The following OTUD7A variants were observed in gnomAD, a reference collection of about 807,000 sequenced individuals.
OTUD7A encodes OTU domain-containing protein 7A.
OTUD7A carries 12 observed loss-of-function variants against 65.7 expected under a neutral mutation model. The ratio of observed to expected loss-of-function variants is 0.18; its 90% CI spans 0.12 to 0.30. The LOEUF is 0.30. Among genes scored for constraint, OTUD7A ranks in the 10% least tolerant of loss-of-function variants. OTUD7A has a pLI of 1.00. For missense variants in OTUD7A, 1,148 were observed against 1,304.8 expected, an observed-to-expected ratio of 0.88 and a Z score of 1.85; for synonymous variants, 641 against 586.3, an observed-to-expected ratio of 1.09 and a Z score of -1.35.
chr15:31,767,081 T>C, intron 1 of OTUD7A: 1 of 1,577,266 alleles, frequency 6.3e-7, no homozygotes, highest in Non-Finnish European at 8.6e-7. Flanking sequence ...CCTGGATTGC[T>C]TATCTGTAGT....
intron 1 of OTUD7A, among the ~76,000 whole-genome samples, chr15:31,718,244 C>T (rs1893644746): frequency 6.6e-6 from 1 of 152,278 alleles, no homozygotes; most frequent in South Asian, 2.1e-4. Context: ...CAGAGATATA[C>T]TCTTTGTAAA....
intron 1 of OTUD7A, among the ~76,000 whole-genome samples, chr15:31,844,914 C>T (rs2140998103): frequency 6.6e-6 from 1 of 152,262 alleles, no homozygotes; most frequent in East Asian, 1.9e-4. Context: ...ACTTGGTGTC[C>T]CCATCTGTGA....
intron 5 of OTUD7A, among the ~76,000 whole-genome samples, chr15:31,542,258 TTA>T (rs1888008710): frequency 6.6e-6 from 1 of 151,692 alleles, no homozygotes; most frequent in Non-Finnish European, 1.5e-5. Flanking sequence ...TTAAAAATGA[TTA>T]GAGACTGTAA....
intron 1 of OTUD7A, among the ~76,000 whole-genome samples, chr15:31,815,231 C>G (rs1198312280): frequency 6.6e-6 from 1 of 152,026 alleles, no homozygotes; most frequent in East Asian, 1.9e-4. Flanking sequence ...GCTGCTGTAG[C>G]CATAGCAGCA....
chr15:31,707,833 C>T (rs1893342478), intron 1 of OTUD7A, among the ~76,000 whole-genome samples: 1 of 151,858 alleles, frequency 6.6e-6, no homozygotes, highest in Non-Finnish European at 1.5e-5. Context: ...TCCAGGAGTA[C>T]AGTATAATTT....
intron 1 of OTUD7A, among the ~76,000 whole-genome samples, chr15:31,775,089 TACACAC>T (rs3046535): frequency 0.14 from 21,202 of 148,002 alleles, 1,746 homozygotes; most frequent in East Asian, 0.44. Flanking sequence ...TCCATGCATT[TACACAC>T]ACACACACAC....
chr15:31,530,661 G>A (rs772916287), intron 6 of OTUD7A, 46 bp downstream of exon 6: 55 of 1,530,966 alleles, frequency 3.6e-5, no homozygotes, highest in South Asian at 3.3e-4. Flanking sequence ...CTTTCCTTAC[G>A]CAGGCCTGGA....
rs114158290 is a variant in OTUD7A, at chr15:31,690,864, G to C, written c.-99-33787C>G. Among the ~76,000 whole-genome samples, 521 of 152,248 alleles carry C rather than the reference G, an allele frequency of 3.4e-3. 4 individuals carry two copies. Among genetic ancestry groups the C allele is most frequent in the African/African-American group, 0.012 (507 of 41,528 alleles). The stretch of plus-strand genomic sequence containing the variant: ...TACAGAGGAAAAGCTTTATGAAACT[G>C]GATTTGACAAGTATTTCTTGGGTAT... On this transcript the variant is annotated intron_variant, in intron 1 of 12. Transcript: ENST00000307050.
Position 31,570,014 on chromosome 15 carries a change from G to A in OTUD7A, c.331+4C>T, listed in dbSNP as rs756075759. Reference sequence around the variant, plus strand: ...TGTGCCTAGGCTCAGTCCCTCAGCGGTACCTTGGGCAATGTCGTCCTGCCT... The same window carrying A: ...TGTGCCTAGGCTCAGTCCCTCAGCGATACCTTGGGCAATGTCGTCCTGCCT... On this transcript the variant is annotated splice_donor_region_variant and intron_variant, in intron 4 of 12. Transcript: ENST00000307050. The A allele has an allele frequency of 1.6e-5, 26 of 1,613,630 alleles. No individual in the cohort carries two copies. In the African/African-American group the frequency reaches 3.3e-4, roughly 21 times the overall value.
chr15:31,673,834 A>G (rs1892538720), intron 1 of OTUD7A, among the ~76,000 whole-genome samples: 1 of 152,176 alleles, frequency 6.6e-6, no homozygotes, highest in South Asian at 2.1e-4. Flanking sequence ...CACTTTGCGC[A>G]TTGAGCTGTC....
intron 4 of OTUD7A, among the ~76,000 whole-genome samples, chr15:31,567,336 A>G (rs889837300): frequency 2.0e-5 from 3 of 152,336 alleles, no homozygotes; most frequent in African/African-American, 7.2e-5. Flanking sequence ...TTGATGATTT[A>G]GGGTATGTGG....
chr15:31,636,937 G>T (rs569329146), intron 3 of OTUD7A, among the ~76,000 whole-genome samples: 1 of 152,288 alleles, frequency 6.6e-6, no homozygotes, highest in South Asian at 2.1e-4. Flanking sequence ...GCAGAGGCTG[G>T]TTCATGAGGT....
At chr15:31,569,650 G>C (rs938461039) in intron 4 of OTUD7A, among the ~76,000 whole-genome samples, 2 of 152,194 alleles carry the variant, frequency 1.3e-5, no homozygotes, top group Non-Finnish European at 2.9e-5. Flanking sequence ...GGAGCGCATG[G>C]GACAAGAAAT....
chr15:31,594,826 G>T (rs949094895), intron 3 of OTUD7A, among the ~76,000 whole-genome samples: 1 of 152,326 alleles, frequency 6.6e-6, no homozygotes, highest in African/African-American at 2.4e-5. Flanking sequence ...ATGGGTGCAG[G>T]TGCAGAACCC....
intron 1 of OTUD7A, among the ~76,000 whole-genome samples, chr15:31,685,177 T>C (rs1041504621): frequency 2.0e-5 from 3 of 152,230 alleles, no homozygotes; most frequent in Admixed American, 6.5e-5. Context: ...TCACAATTGG[T>C]TAAAATAAAG....
rs1369008992 is a variant in OTUD7A at position 31,671,388 on chromosome 15, T to C, written c.-99-14311A>G. Reference sequence around the variant, plus strand: ...AGATGGTTGCAGATGTGTGGTCTTATTTCCAAGATCTCTATTCTGTTCCAT... The same window carrying C: ...AGATGGTTGCAGATGTGTGGTCTTACTTCCAAGATCTCTATTCTGTTCCAT... On this transcript the variant is annotated intron_variant, in intron 1 of 12. Coordinates refer to ENST00000307050, the MANE Select transcript of OTUD7A (RefSeq NM_001382637.1). Among the ~76,000 whole-genome samples, 16 of 152,332 alleles carry C rather than the reference T, an allele frequency of 1.1e-4. 1 individual carries two copies. Among genetic ancestry groups the C allele is most frequent in the African/African-American group, 3.8e-4 (16 of 41,582 alleles).
intron 3 of OTUD7A, among the ~76,000 whole-genome samples, chr15:31,638,769 T>G (rs1158117231): frequency 6.6e-6 from 1 of 152,068 alleles, no homozygotes; most frequent in Non-Finnish European, 1.5e-5. Context: ...ATTGCAGTGG[T>G]CTGGAACTGA....
intron 1 of OTUD7A, among the ~76,000 whole-genome samples, chr15:31,675,656 C>A (rs1352235639): frequency 6.6e-6 from 1 of 152,110 alleles, no homozygotes; most frequent in Non-Finnish European, 1.5e-5. Flanking sequence ...AGTATTGTAA[C>A]AAATGAGAAC....
At chr15:31,630,994 A>G (rs1158878818) in intron 3 of OTUD7A, among the ~76,000 whole-genome samples, 2 of 152,258 alleles carry the variant, frequency 1.3e-5, no homozygotes, top group African/African-American at 4.8e-5. Flanking sequence ...TGCACATGAG[A>G]TGGGTTTCCT....
Sources: allele counts gnomAD v4.1 joint callset (sites outside exome capture counted in the v4.1 genomes callset), GRCh38; gene constraint gnomAD v4.1.1; transcripts MANE v1.5; gene names NCBI Gene and HGNC (gene_info 2026-07-23, HGNC 2026-07-21).